The following ZDHHC8 variants were observed in gnomAD, a reference collection of about 807,000 sequenced individuals.
ZDHHC8 encodes the protein palmitoyltransferase ZDHHC8.
In ZDHHC8, 24 loss-of-function variants were observed where a neutral mutation model predicts 61.2. That is an observed-to-expected ratio of 0.39 (90% CI 0.28 to 0.55). The LOEUF is 0.55. ZDHHC8 is among the 20% of genes least tolerant of loss of function. The pLI is 0.60. For missense variants in ZDHHC8, 935 were observed against 1,102.1 expected (o/e 0.85, Z 2.15); for synonymous variants, 523 against 492.5 (o/e 1.06, Z -0.82).
rs2050481286 is a variant in ZDHHC8 at position 20,142,736 on chromosome 22, A to T, written c.1126-20A>T. 6.2e-7 allele frequency: 1 copy of T among 1,611,242 alleles called. No homozygotes were observed. The highest frequency in any genetic ancestry group is 1.3e-5 in the African/African-American group (1 of 74,822). ...GCGGGGTGGCAGGTGGGCAGTGGTG[A>T]GAATGCCTTCTCCCTACAGGTTCCA... On this transcript the variant is annotated intron_variant, in intron 9 of 10. Coordinates refer to ENST00000334554, the MANE Select transcript of ZDHHC8 (RefSeq NM_013373.4).
rs1343931274 is a variant in ZDHHC8, at chr22:20,147,960, G to C, written c.*2560G>C. 6.6e-6 allele frequency: 1 copy of C among 152,350 alleles called. No homozygotes were observed. Among genetic ancestry groups the C allele is most frequent in the Non-Finnish European group, 1.5e-5 (1 of 68,122 alleles). The allele number at this position is 152,350 out of a possible 1,614,324, so 9.4% of individuals were successfully genotyped here. ...AAAACCATTCTCTATTGTTCTTAAG[G>C]GTACCCCTGCTAATTAATTCCCCAA... On this transcript the variant is annotated 3_prime_UTR_variant, in exon 11 of 11. Transcript: ENST00000334554.
At chr22:20,137,182 A>C (rs753629331) in intron 1 of ZDHHC8, among the ~76,000 whole-genome samples, 2 of 152,226 alleles carry the variant, frequency 1.3e-5, no homozygotes, top group African/African-American at 2.4e-5. Flanking sequence ...ACCCGGTCAC[A>C]CTGCAGATTT....
Position 20,139,833 on chromosome 22 carries a change from C to A in ZDHHC8, c.498C>A (p.Phe166Leu). The A allele has an allele frequency of 6.4e-7, 1 of 1,565,808 alleles. No individual in the cohort carries two copies. ...LSAHMVGVVA[F>L]GLVYVLNHAE... Reference sequence around the variant, plus strand: ...CACACATGGTGGGCGTCGTGGCCTTCGGCCTGGTCTACGTGCTGAACCACG... The same window carrying A: ...CACACATGGTGGGCGTCGTGGCCTTAGGCCTGGTCTACGTGCTGAACCACG... Residue 166 changes from phenylalanine (F) to leucine (L), a missense_variant, in exon 4 of 11, where the codon TTC becomes TTA. Physicochemically the swap from Phe to Leu is conservative, Grantham distance 22 (BLOSUM62 0). Around this residue, in one of 3 missense-constraint regions of ZDHHC8, gnomAD observed 199 missense variants for 334.0 expected, o/e 0.60. Transcript: ENST00000334554.
At position 20,147,332 on chromosome 22, in the gene ZDHHC8, G is replaced by A; in HGVS notation, c.*1932G>A. On this transcript the variant is annotated 3_prime_UTR_variant, in exon 11 of 11. Transcript: ENST00000334554. ...CTGGGGCAGGGCTGGGGGTGGGCTG[G>A]GCTCTCTGCTCCACCAGCCACAGCT... 1 of 1,201,368 alleles carries A rather than the reference G, an allele frequency of 8.3e-7. No homozygotes were observed. The highest frequency in any genetic ancestry group is 1.1e-6 in the Non-Finnish European group (1 of 904,870). The allele number at this position is 1,201,368 out of a possible 1,614,324, so 74.4% of individuals were successfully genotyped here. A position where few individuals can be genotyped will look rare whatever the true frequency, so the allele number is the denominator to read the frequency against.
chr22:20,143,852 A>G, intron 10 of ZDHHC8, 96 bp downstream of exon 10: 1 of 1,409,628 alleles, frequency 7.1e-7, no homozygotes, highest in Non-Finnish European at 9.4e-7. Flanking sequence ...AGGTCATCCC[A>G]GGGGCCTGAG....
In ZDHHC8 at chr22:20,139,887, C is replaced by T; in HGVS notation, c.552C>T (p.Thr184=). Reference sequence around the variant, plus strand: ...AGGGGCTGGGAGCCGCGCACACCACCATCACGTATCCTTGGTTCCTGTGGG... The same window carrying T: ...AGGGGCTGGGAGCCGCGCACACCACTATCACGTATCCTTGGTTCCTGTGGG... ...HAEGLGAAHT[T]ITMAVMCVAG... is the part of the protein sequence containing the mutation. Residue 184 remains threonine (T), a synonymous_variant, in exon 4 of 11, where the codon ACC becomes ACT. Coordinates refer to ENST00000334554, the MANE Select transcript of ZDHHC8 (RefSeq NM_013373.4). 1 of 1,611,862 alleles carries T rather than the reference C, an allele frequency of 6.2e-7. No individual in the cohort carries two copies. Among genetic ancestry groups the T allele is most frequent in the Non-Finnish European group, 8.5e-7 (1 of 1,179,768 alleles).
At chr22:20,136,817 G>A (rs903640001) in intron 1 of ZDHHC8, among the ~76,000 whole-genome samples, 1 of 152,336 alleles carries the variant, frequency 6.6e-6, no homozygotes, top group Non-Finnish European at 1.5e-5. Context: ...GTACATGCCT[G>A]TATATTTGTG....
intron 1 of ZDHHC8, 91 bp downstream of exon 1, chr22:20,132,142 G>A: frequency 1.2e-6 from 1 of 836,296 alleles, no homozygotes; most frequent in Non-Finnish European, 1.5e-6. Flanking sequence ...GGGGGCTGGC[G>A]GGGCCCCGGG....
intron 1 of ZDHHC8, among the ~76,000 whole-genome samples, chr22:20,133,185 T>TG (rs2050392548): frequency 6.6e-6 from 1 of 152,104 alleles, no homozygotes; most frequent in Admixed American, 6.5e-5. Context: ...AAGGCCTGTG[T>TG]GGACGGGCTT....
At chr22:20,135,431 G>T (rs1399012888) in intron 1 of ZDHHC8, among the ~76,000 whole-genome samples, 1 of 152,222 alleles carries the variant, frequency 6.6e-6, no homozygotes, top group Non-Finnish European at 1.5e-5. Flanking sequence ...AATGTCCGAG[G>T]GCTGGGGCTG....
At position 20,143,337 on chromosome 22, in the gene ZDHHC8, C is replaced by T. The variant is rs768347991; in HGVS notation, c.1707C>T (p.Ala569=). 20 of 1,589,342 alleles carry T rather than the reference C, an allele frequency of 1.3e-5. No homozygotes were observed. The highest frequency in any genetic ancestry group is 4.6e-5 in the East Asian group (2 of 43,656). ...GTGAGCGCCTGCTGCGCTCCCAGGC[C>T]GACTCACTCTTCGGCGACTCAGGCG... The part of the protein sequence containing the change: ...EERERLLRSQ[A]DSLFGDSGVY... The change falls in exon 10 of 11, where the codon GCC becomes GCT. Residue 569 remains alanine (A), a synonymous_variant. Transcript: ENST00000334554.
In ZDHHC8 at chr22:20,131,999, G is replaced by A; in HGVS notation, c.52G>A (p.Ala18Thr). Residue 18 changes from alanine to threonine, a missense_variant, in exon 1 of 11, where the codon GCC becomes ACC. Coordinates refer to ENST00000334554, the MANE Select transcript of ZDHHC8 (RefSeq NM_013373.4). ...RLKPAKYIPV[A>T]TAAALLVGSS... Reference sequence around the variant, plus strand: ...CAAACCCGCCAAGTACATCCCGGTGGCCACGGCCGCCGCGCTGCTGGTCGG... The same window carrying A: ...CAAACCCGCCAAGTACATCCCGGTGACCACGGCCGCCGCGCTGCTGGTCGG... 1.4e-6 allele frequency: 2 copies of A among 1,384,342 alleles called. No individual in the cohort carries two copies. The highest frequency in any genetic ancestry group is 1.9e-6 in the Non-Finnish European group (2 of 1,053,212). The allele number at this position is 1,384,342 out of a possible 1,614,324, so 85.8% of individuals were successfully genotyped here. A position where few individuals can be genotyped will look rare whatever the true frequency, so the allele number is the denominator to read the frequency against.
chr22:20,139,371 A>C, intron 2 of ZDHHC8, 56 bp downstream of exon 2: 1 of 1,605,954 alleles, frequency 6.2e-7, no homozygotes, highest in South Asian at 1.1e-5. Flanking sequence ...TGAGTGGCTA[A>C]CTTGAGACAG....
At position 20,147,038 on chromosome 22, in the gene ZDHHC8, G is replaced by T; in HGVS notation, c.*1638G>T. On this transcript the variant is annotated 3_prime_UTR_variant, in exon 11 of 11. Transcript: ENST00000334554. ...GCCCGCAGGGGGCGGATTGGCACCT[G>T]CACCCGTGGATGGGGGCGGCGTGGC... is the stretch of plus-strand genomic sequence containing the variant. 6.9e-7 allele frequency: 1 copy of T among 1,440,570 alleles called. No individual in the cohort carries two copies. The highest frequency in any genetic ancestry group is 9.1e-7 in the Non-Finnish European group (1 of 1,099,014). The allele number at this position is 1,440,570 out of a possible 1,614,324, so 89.2% of individuals were successfully genotyped here.
chr22:20,142,925 C>A lies in ZDHHC8; in HGVS notation c.1295C>A (p.Ser432Tyr). 2.5e-6 allele frequency: 4 copies of A among 1,605,820 alleles called. No individual in the cohort carries two copies. The highest frequency in any genetic ancestry group is 3.4e-6 in the Non-Finnish European group (4 of 1,175,614). ...ASDAFSGALR[S>Y]LSLKASSRRG... ...GATGCCTTCTCGGGCGCTTTGCGCTCCCTGAGCCTCAAGGCCTCGAGCCGG... is the reference window on the plus strand; with the variant it reads ...GATGCCTTCTCGGGCGCTTTGCGCTACCTGAGCCTCAAGGCCTCGAGCCGG... The change falls in exon 10 of 11, where the codon TCC becomes TAC. Residue 432 changes from serine (S) to tyrosine (Y), a missense_variant. By Grantham distance (144) the Ser-to-Tyr change is moderately radical (BLOSUM62 -2). Transcript: ENST00000334554.
chr22:20,147,136 C>T lies in ZDHHC8; in HGVS notation c.*1736C>T. On this transcript the variant is annotated 3_prime_UTR_variant, in exon 11 of 11. Transcript: ENST00000334554. The stretch of plus-strand genomic sequence containing the variant: ...GGAGGACCGCCCACCACTGCGGGCC[C>T]CCTGGAGCCAGGCCGCCGGGGCACC... The T allele has an allele frequency of 6.5e-7, 1 of 1,534,194 alleles. No individual in the cohort carries two copies. Among genetic ancestry groups the T allele is most frequent in the East Asian group, 2.5e-5 (1 of 39,544 alleles).
chr22:20,147,601 A>T lies in ZDHHC8; in HGVS notation c.*2201A>T. On this transcript the variant is annotated 3_prime_UTR_variant, in exon 11 of 11. Transcript: ENST00000334554. ...GGGGGGGGTCTCAGGTTGCCCCTGA[A>T]GGTCTCTGCACTCCTCCTGCCCTTC... 1 of 207,470 alleles carries T rather than the reference A, an allele frequency of 4.8e-6. No homozygotes were observed. The highest frequency in any genetic ancestry group is 9.6e-6 in the Non-Finnish European group (1 of 104,490). The allele number at this position is 207,470 out of a possible 1,614,324, so 12.9% of individuals were successfully genotyped here.
At chr22:20,141,391 C>T (rs776411753) in intron 8 of ZDHHC8, 30 bp from the exon 9 acceptor site, 1 of 1,612,110 alleles carries the variant, frequency 6.2e-7, no homozygotes, top group Non-Finnish European at 8.5e-7. Flanking sequence ...CCTCCTCTGA[C>T]CTCAGTCTGA....
chr22:20,140,429 G>T, intron 5 of ZDHHC8, 188 bp from the exon 6 acceptor site: 1 of 800,772 alleles, frequency 1.2e-6, no homozygotes, highest in Non-Finnish European at 1.9e-6. Flanking sequence ...CAGTGACCCA[G>T]AAATCCCACA....
Sources: gnomAD v4.1 joint callset for allele counts (sites outside exome capture counted in the v4.1 genomes callset) on GRCh38, gnomAD v4.1.1 for gene constraint, gnomAD v4.1.1 regional missense constraint, MANE v1.5 for transcripts, NCBI Gene and HGNC (gene_info 2026-07-23, HGNC 2026-07-21) for gene names.